Variants in MACC1 observed in about 807,000 individuals in gnomAD.
MACC1 encodes the protein metastasis-associated in colon cancer protein 1.
Under a neutral mutation model 70.7 loss-of-function variants are expected in MACC1, and 79 were observed. The observed-to-expected ratio is 1.12, with a 90% CI of 0.93 to 1.35. The LOEUF is 1.35. Ranked by LOEUF, MACC1 falls within the 40% of genes most tolerant of loss-of-function variation. The pLI is 0.00. For missense variants in MACC1, 1,106 were observed against 978.1 expected (o/e 1.13, Z -1.74); for synonymous variants, 361 against 347.2 (o/e 1.04, Z -0.44).
At chr7:20,146,148 G>GAAA (rs377648424) in intron 6 of MACC1, among the ~76,000 whole-genome samples, 2 of 86,368 alleles carry the variant, frequency 2.3e-5, no homozygotes, top group East Asian at 3.7e-4. Context: ...ATCTCAAAAA[G>GAAA]AAAAAAAAAA....
At chr7:20,197,582 G>A (rs1042885164) in intron 1 of MACC1, among the ~76,000 whole-genome samples, 23 of 152,238 alleles carry the variant, frequency 1.5e-4, no homozygotes, top group Admixed American at 1.1e-3. Flanking sequence ...ACATGTTCTC[G>A]TACGCCTACT....
intron 1 of MACC1, among the ~76,000 whole-genome samples, chr7:20,211,677 G>T (rs1782998475): frequency 6.6e-6 from 1 of 152,176 alleles, no homozygotes; most frequent in Non-Finnish European, 1.5e-5. Context: ...AATATAATGT[G>T]TTATAAATGT....
At position 20,140,923 on chromosome 7, in the gene MACC1, C is replaced by A. The variant is rs1208831874; in HGVS notation, c.*23G>T. ...CACACCATTACCTCATTTTCCCTCC[C>A]ATCAAAAACACACGCTTTGTTTCTA... On this transcript the variant is annotated 3_prime_UTR_variant, in exon 7 of 7. Transcript: ENST00000400331. The A allele has an allele frequency of 1.3e-6, 2 of 1,581,116 alleles. No homozygotes were observed. Among genetic ancestry groups the A allele is most frequent in the Admixed American group, 1.7e-5 (1 of 59,078 alleles).
intron 6 of MACC1, among the ~76,000 whole-genome samples, chr7:20,152,920 G>A (rs1024412073): frequency 6.6e-6 from 1 of 152,162 alleles, no homozygotes; most frequent in Non-Finnish European, 1.5e-5. Context: ...TGAAATGTCC[G>A]AATCAGAAGA....
Position 20,154,205 on chromosome 7 carries a change from A to C in MACC1, c.2334T>G (p.Asp778Glu), listed in dbSNP as rs767845798. 2 of 1,613,908 alleles carry C rather than the reference A, an allele frequency of 1.2e-6. No homozygotes were observed. Among genetic ancestry groups the C allele is most frequent in the South Asian group, 2.2e-5 (2 of 91,070 alleles). ...YEIPHRGNTG[D>E]VAVEMMWKPA... Reference sequence around the variant, plus strand: ...ACAGAAGTCTTACCTCAACAGCAACATCTCCAGTGTTTCCTCGATGAGGAA... The same window carrying C: ...ACAGAAGTCTTACCTCAACAGCAACCTCTCCAGTGTTTCCTCGATGAGGAA... Residue 778 changes from aspartate (D) to glutamate (E), a missense_variant, in exon 6 of 7, where the codon GAT (aspartate) becomes GAG (glutamate). Asp to Glu is a conservative substitution (Grantham distance 45). Coordinates refer to ENST00000400331, the MANE Select transcript of MACC1 (RefSeq NM_182762.4).
chr7:20,158,195 A>C lies in MACC1; in HGVS notation c.2157+9T>G, dbSNP rs904172338. On this transcript the variant is annotated intron_variant, in intron 5 of 6. Transcript: ENST00000400331. ...TGGCAATTCATTACCATGATCAAGC[A>C]ATACTCACCACAATAAGTTCATACA... 6.5e-7 allele frequency: 1 copy of C among 1,547,900 alleles called. No individual in the cohort carries two copies. The highest frequency in any genetic ancestry group is 8.7e-7 in the Non-Finnish European group (1 of 1,155,534).
rs1300627076 is a variant in MACC1, at chr7:20,135,178, T to C, written c.*5768A>G. 1 of 152,256 alleles carries C rather than the reference T, an allele frequency of 6.6e-6. No homozygotes were observed. The highest frequency in any genetic ancestry group is 1.5e-5 in the Non-Finnish European group (1 of 68,048). 9.4% of individuals were successfully genotyped at this position (152,256 alleles called of 1,614,324 possible). ...AAACAAATGCAATGTTACATATATT[T>C]TGTAAAATTATCTTAAAATTATACT... On this transcript the variant is annotated 3_prime_UTR_variant, in exon 7 of 7. Transcript: ENST00000400331.
chr7:20,188,889 C>T (rs74340919), intron 1 of MACC1, among the ~76,000 whole-genome samples: 3,056 of 152,298 alleles, frequency 0.02, 50 homozygotes, highest in Non-Finnish European at 0.031. Flanking sequence ...CTTCCTTTCT[C>T]AATCAAGCAA....
chr7:20,191,882 A>C (rs1223940032), intron 1 of MACC1, among the ~76,000 whole-genome samples: 3 of 152,228 alleles, frequency 2.0e-5, no homozygotes, highest in African/African-American at 7.2e-5. Flanking sequence ...ACTGTCTTCA[A>C]TGCCAGTTTT....
chr7:20,210,637 A>G (rs1032614548), intron 1 of MACC1, among the ~76,000 whole-genome samples: 45 of 152,016 alleles, frequency 3.0e-4, no homozygotes, highest in African/African-American at 9.7e-4. Flanking sequence ...CTATCCTTTC[A>G]ATCTTTTTCT....
intron 1 of MACC1, among the ~76,000 whole-genome samples, chr7:20,180,033 G>A (rs1356609847): frequency 6.6e-6 from 1 of 152,100 alleles, no homozygotes; most frequent in Non-Finnish European, 1.5e-5. Context: ...AAAACCTGAA[G>A]CTGCTCATCT....
intron 1 of MACC1, among the ~76,000 whole-genome samples, chr7:20,215,314 G>C (rs572436607): frequency 1.2e-4 from 19 of 152,218 alleles, no homozygotes; most frequent in Non-Finnish European, 2.6e-4. Context: ...CTGTGCATGA[G>C]TTTCTTCTAG....
intron 2 of MACC1, among the ~76,000 whole-genome samples, chr7:20,169,062 G>C (rs1782262876): frequency 6.6e-6 from 1 of 152,140 alleles, no homozygotes; most frequent in Admixed American, 6.5e-5. Context: ...AAACAGTTTT[G>C]TTACTGCTCC....
chr7:20,140,736 GA>G lies in MACC1; in HGVS notation c.*209del, dbSNP rs138359838. On this transcript the variant is annotated 3_prime_UTR_variant, in exon 7 of 7. Coordinates refer to ENST00000400331, the MANE Select transcript of MACC1 (RefSeq NM_182762.4). ...ATCAGTTAGGCTGTGCTTTCATCAG[GA>G]AAAAAAAACTGGTTTTGAGCATGAA... The G allele has an allele frequency of 0.046, 18,745 of 407,470 alleles. 2,172 individuals are homozygous for G. The highest frequency in any genetic ancestry group is 0.28 in the African/African-American group (13,743 of 48,240). The allele number at this position is 407,470 out of a possible 1,614,324, so 25.2% of individuals were successfully genotyped here.
intron 6 of MACC1, among the ~76,000 whole-genome samples, chr7:20,145,027 C>CAACTCCCAACACACAA (rs1298236787): frequency 1.3e-5 from 2 of 152,168 alleles, no homozygotes; most frequent in African/African-American, 4.8e-5. Context: ...CACAAGCTCC[C>CAACTCCCAACACACAA]TGGATATCCT....
intron 2 of MACC1, among the ~76,000 whole-genome samples, chr7:20,169,801 A>C (rs1453202302): frequency 6.6e-6 from 1 of 152,242 alleles, no homozygotes; most frequent in Non-Finnish European, 1.5e-5. Context: ...TATTACTATC[A>C]ACATATAATA....
rs1452895740 is a variant in MACC1 at position 20,158,938 on chromosome 7, C to T, written c.1423G>A (p.Val475Ile). The change falls in exon 5 of 7, where the codon GTT (valine) becomes ATT (isoleucine). Residue 475 changes from valine (V) to isoleucine (I), a missense_variant. By Grantham distance (29) the Val-to-Ile change is conservative (BLOSUM62 3). Coordinates refer to ENST00000400331, the MANE Select transcript of MACC1 (RefSeq NM_182762.4). Reference protein sequence around the residue: ...VVHQQFLFSLVEHREMHLFDF... With the variant: ...VVHQQFLFSLIEHREMHLFDF... ...AACAAGTGCATCTCTCTGTGCTCAA[C>T]TAAAGAAAATAAAAATTGTTGATGA... 6.2e-7 allele frequency: 1 copy of T among 1,613,996 alleles called. No homozygotes were observed. The highest frequency in any genetic ancestry group is 8.5e-7 in the Non-Finnish European group (1 of 1,180,006).
intron 4 of MACC1, among the ~76,000 whole-genome samples, chr7:20,160,804 A>T (rs1183695132): frequency 6.6e-6 from 1 of 152,110 alleles, no homozygotes; most frequent in Non-Finnish European, 1.5e-5. Context: ...ATGCTAAGTT[A>T]GAAAGTCATT....
intron 1 of MACC1, among the ~76,000 whole-genome samples, chr7:20,205,142 T>C (rs958641259): frequency 2.6e-5 from 4 of 152,224 alleles, no homozygotes; most frequent in Non-Finnish European, 4.4e-5. Context: ...TTACCTCTGA[T>C]GGATTTTCAT....
Sources: allele counts gnomAD v4.1 joint callset (sites outside exome capture counted in the v4.1 genomes callset), GRCh38; gene constraint gnomAD v4.1.1; transcripts MANE v1.5; gene names NCBI Gene and HGNC (gene_info 2026-07-23, HGNC 2026-07-21).